The following SAMD3 variants were observed in gnomAD, a reference collection of about 807,000 sequenced individuals.
SAMD3 encodes sterile alpha motif domain containing 3, also known as sterile alpha motif domain-containing protein 3.
In SAMD3, 63 loss-of-function variants were observed where a neutral mutation model predicts 58.5. That is an observed-to-expected ratio of 1.08 (90% CI 0.88 to 1.33). SAMD3 has a LOEUF of 1.33. Ranked by LOEUF, SAMD3 falls within the 40% of genes most tolerant of loss-of-function variation. SAMD3 has a pLI of 0.00. For synonymous variants in SAMD3, 220 were observed against 210.3 expected, an observed-to-expected ratio of 1.05 and a Z score of -0.40; for missense variants, 604 against 608.4, an observed-to-expected ratio of 0.99 and a Z score of 0.08.
chr6:130,246,822 G>A (rs1266341453), intron 2 of SAMD3, among the ~76,000 whole-genome samples: 1 of 152,152 alleles, frequency 6.6e-6, no homozygotes, highest in Non-Finnish European at 1.5e-5. Flanking sequence ...CTGGGAACTG[G>A]AGGTTGCAGT....
At chr6:130,316,853 G>C (rs7758542) in intron 1 of SAMD3, among the ~76,000 whole-genome samples, 64,610 of 151,974 alleles carry the variant, frequency 0.43, 15,356 homozygotes, top group African/African-American at 0.64. Context: ...TATGACAAAG[G>C]ATTTGATTTT....
chr6:130,324,772 A>AC (rs1562523225), intron 1 of SAMD3, among the ~76,000 whole-genome samples: 1 of 147,630 alleles, frequency 6.8e-6, no homozygotes, highest in African/African-American at 2.5e-5. Flanking sequence ...TTTGGAGAAC[A>AC]TTTTTTTTTT....
chr6:130,351,384 AAAAC>A (rs2115036160), intron 1 of SAMD3, among the ~76,000 whole-genome samples: 1 of 152,338 alleles, frequency 6.6e-6, no homozygotes, highest in African/African-American at 2.4e-5. Flanking sequence ...TTACAAGAAA[AAAAC>A]AAACAACCCC....
intron 2 of SAMD3, among the ~76,000 whole-genome samples, chr6:130,285,843 G>C (rs1385055059): frequency 6.6e-6 from 1 of 152,152 alleles, no homozygotes; most frequent in Non-Finnish European, 1.5e-5. Context: ...CCCAGCCCAA[G>C]ATTTCATAGT....
chr6:130,222,559 G>A (rs1796264277), intron 1 of SAMD3, 135 bp downstream of exon 1: 1 of 152,136 alleles, frequency 6.6e-6, no homozygotes, highest in Non-Finnish European at 1.5e-5. Flanking sequence ...AGGCAGAAGT[G>A]GCAATCTCTG....
intron 2 of SAMD3, among the ~76,000 whole-genome samples, chr6:130,312,222 T>C (rs1430627360): frequency 6.6e-6 from 1 of 152,242 alleles, no homozygotes; most frequent in Non-Finnish European, 1.5e-5. Context: ...GACTTCGTTT[T>C]GTGACTTTAA....
intron 2 of SAMD3, among the ~76,000 whole-genome samples, chr6:130,275,599 T>C (rs1213451829): frequency 6.6e-6 from 1 of 152,128 alleles, no homozygotes; most frequent in African/African-American, 2.4e-5. Flanking sequence ...TTTGAGTTTA[T>C]TAATTTACCA....
At chr6:130,296,978 C>T (rs1775592191) in intron 2 of SAMD3, among the ~76,000 whole-genome samples, 1 of 152,190 alleles carries the variant, frequency 6.6e-6, no homozygotes, top group African/African-American at 2.4e-5. Flanking sequence ...CAATCTCTTC[C>T]TACCACCCAT....
intron 5 of SAMD3, 124 bp downstream of exon 5, chr6:130,209,371 A>G (rs1795343099): frequency 1.9e-5 from 10 of 523,612 alleles, no homozygotes; most frequent in Non-Finnish European, 3.4e-5. Context: ...ATAAAAATAT[A>G]TTCCCTTCCA....
chr6:130,355,217 A>G (rs1777790315), intron 1 of SAMD3, among the ~76,000 whole-genome samples: 1 of 152,180 alleles, frequency 6.6e-6, no homozygotes. Flanking sequence ...TGAGGCCGGG[A>G]GCTCGAGACC....
chr6:130,262,405 C>G (rs1774173018), intron 2 of SAMD3, among the ~76,000 whole-genome samples: 1 of 150,530 alleles, frequency 6.6e-6, no homozygotes, highest in Non-Finnish European at 1.5e-5. Context: ...AAGTAGCTTA[C>G]TAACTCAAAA....
chr6:130,182,688 G>C (rs573743225), intron 7 of SAMD3, among the ~76,000 whole-genome samples: 1 of 152,074 alleles, frequency 6.6e-6, no homozygotes, highest in South Asian at 2.1e-4. Flanking sequence ...AGGAGGAAGG[G>C]AGGGAGGAAA....
chr6:130,161,077 A>G (rs948083713), intron 8 of SAMD3: 1 of 152,134 alleles, frequency 6.6e-6, no homozygotes, highest in African/African-American at 2.4e-5. Context: ...AAAATTCAGA[A>G]TAGTGATTAG....
chr6:130,205,485 G>A (rs1297550390), intron 5 of SAMD3, among the ~76,000 whole-genome samples: 1 of 151,926 alleles, frequency 6.6e-6, no homozygotes, highest in African/African-American at 2.4e-5. Context: ...TATATTTTTA[G>A]TAGAGACGGG....
chr6:130,313,030 CTT>C (rs947663622), exon 2 of SAMD3: 1 of 152,276 alleles, frequency 6.6e-6, no homozygotes, highest in African/African-American at 2.4e-5. Flanking sequence ...TGGGTTGTAG[CTT>C]CCTAACAGCA....
At position 130,292,263 on chromosome 6, in the gene SAMD3, C is replaced by CTTTTTTTTTTTTTT; in HGVS notation, c.-188+20714_-188+20715insAAAAAAAAAAAAAA. Among the ~76,000 whole-genome samples the CTTTTTTTTTTTTTT allele has an allele frequency of 1.6e-5, 2 of 125,824 alleles. 1 individual carries two copies. Among genetic ancestry groups the CTTTTTTTTTTTTTT allele is most frequent in the African/African-American group, 6.2e-5 (2 of 32,034 alleles). The allele number at this position is 125,824 out of a possible 152,430, so 82.5% of individuals were successfully genotyped here. On this transcript the variant is annotated intron_variant, in intron 2 of 13. Transcript: ENST00000368134. ...AATTCTCAGGAATAACTTTTTTTTT[C>CTTTTTTTTTTTTTT]TTTCTTTCTTTTTTTTTTTTTTTTG...
intron 9 of SAMD3, among the ~76,000 whole-genome samples, chr6:130,150,926 G>A (rs1165306311): frequency 2.6e-5 from 4 of 152,014 alleles, no homozygotes; most frequent in African/African-American, 9.7e-5. Flanking sequence ...TGGCCAGGCT[G>A]GTCTCGAACT....
chr6:130,266,682 A>G (rs1455041532), intron 2 of SAMD3, among the ~76,000 whole-genome samples: 2 of 152,216 alleles, frequency 1.3e-5, no homozygotes, highest in East Asian at 3.9e-4. Flanking sequence ...ATATGTAGGC[A>G]TAGACCTTAT....
chr6:130,220,939 C>T (rs932988349), intron 1 of SAMD3, among the ~76,000 whole-genome samples: 5 of 152,012 alleles, frequency 3.3e-5, no homozygotes, highest in Non-Finnish European at 5.9e-5. Flanking sequence ...CTGCAAGCTC[C>T]GCCTCCCGGG....
Sources: gnomAD v4.1 joint callset for allele counts (sites outside exome capture counted in the v4.1 genomes callset) on GRCh38, gnomAD v4.1.1 for gene constraint, MANE v1.5 for transcripts, NCBI Gene and HGNC (gene_info 2026-07-23, HGNC 2026-07-21) for gene names.